SLC11A2: variants seen among roughly 807,000 people sequenced by gnomAD.
SLC11A2 encodes the protein natural resistance-associated macrophage protein 2.
A neutral mutation model predicts 68.0 loss-of-function variants in SLC11A2; 38 were observed. The observed-to-expected ratio is 0.56, with a 90% CI of 0.43 to 0.73. The LOEUF (loss-of-function observed/expected upper bound fraction) is 0.73, where lower values mean the gene tolerates loss of function less well. SLC11A2 is among the 30% of genes least tolerant of loss of function. The pLI is 0.00. For synonymous variants in SLC11A2, 242 were observed against 250.6 expected (o/e 0.97, Z 0.32); for missense variants, 517 against 690.5 (o/e 0.75, Z 2.82).
rs1942633124 is a variant in SLC11A2, at chr12:51,005,367, G to A, written c.253C>T (p.Leu85=). ...GPGFLMSIAY[L]DPGNIESDLQ... ...TCGGATTCAATATTTCCTGGATCCA[G>A]GTAGGCAATGCTCATAAGAAAACCT... The change falls in exon 4 of 16, where the codon CTG becomes TTG. Residue 85 remains leucine, a synonymous_variant. Transcript: ENST00000262052. 6.2e-7 allele frequency: 1 copy of A among 1,613,900 alleles called. No individual in the cohort carries two copies. Among genetic ancestry groups the A allele is most frequent in the Non-Finnish European group, 8.5e-7 (1 of 1,179,958 alleles).
At chr12:50,981,183 T>C (rs1043240482), downstream of SLC11A2, 1 of 152,324 alleles carries the variant, frequency 6.6e-6, no homozygotes, top group Admixed American at 6.5e-5. Context: ...ACAAAGGATA[T>C]AATCTGGTTG....
intron 1 of SLC11A2, among the ~76,000 whole-genome samples, chr12:51,019,848 T>C (rs1414648466): frequency 6.6e-6 from 1 of 151,904 alleles, no homozygotes; most frequent in Non-Finnish European, 1.5e-5. Context: ...TTTCACCATG[T>C]TGCCCAGGCT....
the SLC11A2 span, among the ~76,000 whole-genome samples, chr12:50,956,673 C>T: frequency 1.3e-5 from 2 of 152,238 alleles, no homozygotes; most frequent in South Asian, 2.1e-4. Flanking sequence ...ACAGCTCATA[C>T]GTGCATTTCT....
At chr12:51,003,319 C>T (rs561172427) in intron 5 of SLC11A2, among the ~76,000 whole-genome samples, 10 of 151,718 alleles carry the variant, frequency 6.6e-5, no homozygotes, top group Non-Finnish European at 1.3e-4. Flanking sequence ...TGGCAGATCA[C>T]CTAAGGCCAG....
At chr12:51,020,640 G>A (rs974251974) in intron 1 of SLC11A2, among the ~76,000 whole-genome samples, 6 of 152,070 alleles carry the variant, frequency 3.9e-5, no homozygotes, top group African/African-American at 1.2e-4. Context: ...GATACAGTCA[G>A]GCCTCTGTAA....
chr12:50,962,844 G>T, the SLC11A2 span, among the ~76,000 whole-genome samples: 1 of 152,156 alleles, frequency 6.6e-6, no homozygotes, highest in Non-Finnish European at 1.5e-5. Flanking sequence ...AAGCAGAGAA[G>T]GACCTCAGGA....
At chr12:50,992,423 G>C in intron 12 of SLC11A2, 84 bp from the exon 13 acceptor site, 5 of 1,303,150 alleles carry the variant, frequency 3.8e-6, no homozygotes, top group South Asian at 1.2e-5. Context: ...GACCTCAGAA[G>C]AATGGGATTA....
chr12:50,970,454 CTATGTA>C, the SLC11A2 span: 2 of 1,500,454 alleles, frequency 1.3e-6, no homozygotes, highest in East Asian at 4.9e-5. Context: ...GTTCTCTATT[CTATGTA>C]TAAGGATTAC....
chr12:50,997,726 G>A (rs1298192983), intron 8 of SLC11A2, among the ~76,000 whole-genome samples: 2 of 129,754 alleles, frequency 1.5e-5, no homozygotes, highest in Admixed American at 1.7e-4. Context: ...GGTGGCTCAC[G>A]CCTGTAATCC....
chr12:50,976,171 C>G (rs192517613), downstream of SLC11A2, among the ~76,000 whole-genome samples: 32 of 151,410 alleles, frequency 2.1e-4, no homozygotes, highest in African/African-American at 7.8e-4. Context: ...ATACCAAAGC[C>G]TAGCAGAGAC....
chr12:50,988,569 G>A (rs979062359), intron 15 of SLC11A2, 134 bp from the exon 16 acceptor site: 6 of 1,427,802 alleles, frequency 4.2e-6, no homozygotes, highest in Non-Finnish European at 5.7e-6. Context: ...ACCAAGGGTT[G>A]CACAAGTCAT....
the SLC11A2 span, among the ~76,000 whole-genome samples, chr12:50,955,911 G>A: frequency 6.6e-6 from 1 of 152,190 alleles, no homozygotes; most frequent in African/African-American, 2.4e-5. Flanking sequence ...CATTTAGGAT[G>A]ATTAAAGTGG....
chr12:50,992,528 C>T (rs1941257856), intron 12 of SLC11A2, among the ~76,000 whole-genome samples, 189 bp from the exon 13 acceptor site: 1 of 151,842 alleles, frequency 6.6e-6, no homozygotes, highest in Non-Finnish European at 1.5e-5. Flanking sequence ...GTCAGGAGTT[C>T]AAGACCTGCC....
rs377220960 is a variant in SLC11A2 at position 50,986,372 on chromosome 12, A to C, written c.*1953T>G. 51 of 1,281,306 alleles carry C rather than the reference A, an allele frequency of 4.0e-5. No individual in the cohort carries two copies. In the East Asian group the frequency reaches 2.2e-3, roughly 54 times the overall value. The allele number at this position is 1,281,306 out of a possible 1,614,324, so 79.4% of individuals were successfully genotyped here. A position where few individuals can be genotyped will look rare whatever the true frequency, so the allele number is the denominator to read the frequency against. The stretch of plus-strand genomic sequence containing the variant: ...GCAATAACGTATGAGGGTATTTTTA[A>C]CACTGTGAAGTACACACATAATATT... On this transcript the variant is annotated 3_prime_UTR_variant, in exon 16 of 16. Transcript: ENST00000262052.
chr12:50,958,576 C>T, the SLC11A2 span, among the ~76,000 whole-genome samples: 2 of 151,638 alleles, frequency 1.3e-5, no homozygotes, highest in African/African-American at 2.4e-5. Context: ...CCACCGCGCC[C>T]GGCCTAAAAT....
rs1942583585 is a variant in SLC11A2 at position 51,004,833 on chromosome 12, A to T, written c.384T>A (p.Val128=). The T allele has an allele frequency of 6.8e-6, 11 of 1,614,048 alleles. No individual in the cohort carries two copies. The highest frequency in any genetic ancestry group is 9.3e-6 in the Non-Finnish European group (11 of 1,179,956). The change falls in exon 5 of 16, where the codon GTT becomes GTA. Residue 128 remains valine (V), a synonymous_variant. Transcript: ENST00000262052. ...LQRLAARLGV[V]TGLHLAEVCH... ...ATACTTCAGCAAGATGCAGCCCAGT[A>T]ACCACTCCCAGTCTAGCTGCAAGCC...
chr12:50,955,820 A>T, the SLC11A2 span, among the ~76,000 whole-genome samples: 1 of 152,214 alleles, frequency 6.6e-6, no homozygotes, highest in Non-Finnish European at 1.5e-5. Flanking sequence ...CACTATAATG[A>T]ACAGAAATTA....
chr12:50,989,043 G>A (rs1940881523), intron 15 of SLC11A2, among the ~76,000 whole-genome samples: 1 of 152,090 alleles, frequency 6.6e-6, no homozygotes, highest in Non-Finnish European at 1.5e-5. Context: ...CCAACTGTAA[G>A]TTCTCGGAAG....
chr12:51,002,713 G>A (rs558516532), intron 5 of SLC11A2, among the ~76,000 whole-genome samples: 38 of 151,116 alleles, frequency 2.5e-4, no homozygotes, highest in African/African-American at 5.8e-4. Flanking sequence ...AGGCCAAGGC[G>A]GGCAGATCAC....
Sources: allele counts gnomAD v4.1 joint callset (sites outside exome capture counted in the v4.1 genomes callset), GRCh38; gene constraint gnomAD v4.1.1; transcripts MANE v1.5; gene names NCBI Gene and HGNC (gene_info 2026-07-23, HGNC 2026-07-21).